Variants in PTH2R observed in about 807,000 individuals in gnomAD.
PTH2R encodes parathyroid hormone 2 receptor.
A neutral mutation model predicts 60.3 loss-of-function variants in PTH2R; 59 were observed. The observed-to-expected ratio is 0.98, with a 90% confidence interval of 0.79 to 1.22. The LOEUF is 1.22. Among genes scored for constraint, PTH2R ranks in the 50% most tolerant of loss-of-function variants. The pLI is 0.00. For missense variants in PTH2R, 749 were observed against 682.6 expected (o/e 1.10, Z -1.08); for synonymous variants, 256 against 243.8 (o/e 1.05, Z -0.47).
intron 1 of PTH2R, among the ~76,000 whole-genome samples, chr2:208,424,101 C>T (rs1306593836): frequency 6.6e-6 from 1 of 152,158 alleles, no homozygotes. Context: ...ACTAGGTCTT[C>T]TCTGACCCCC....
intron 1 of PTH2R, among the ~76,000 whole-genome samples, chr2:208,363,266 G>A (rs1700514568): frequency 6.6e-6 from 1 of 152,072 alleles, no homozygotes; most frequent in African/African-American, 2.4e-5. Context: ...ACTTATAAGT[G>A]AGAAAATGTG....
At chr2:208,428,164 C>A in intron 1 of PTH2R, 37 bp from the exon 2 acceptor site, 2 of 1,485,716 alleles carry the variant, frequency 1.3e-6, no homozygotes, top group Non-Finnish European at 9.3e-7. Context: ...CTTGAAAAAA[C>A]ATGATGAAAA....
chr2:208,363,243 A>G (rs938579899), intron 1 of PTH2R, among the ~76,000 whole-genome samples: 35 of 152,048 alleles, frequency 2.3e-4, no homozygotes, highest in Admixed American at 2.2e-3. Flanking sequence ...TGTGTAGTCA[A>G]TGTTTAGCTC....
At chr2:208,479,702 C>T (rs996346036) in intron 9 of PTH2R, among the ~76,000 whole-genome samples, 5 of 152,114 alleles carry the variant, frequency 3.3e-5, no homozygotes, top group African/African-American at 1.2e-4. Flanking sequence ...ATCTTTTTGT[C>T]CTCCTGAACA....
At chr2:208,366,405 T>A (rs1314726122) in intron 1 of PTH2R, among the ~76,000 whole-genome samples, 1 of 152,122 alleles carries the variant, frequency 6.6e-6, no homozygotes, top group Non-Finnish European at 1.5e-5. Flanking sequence ...GAATTAGGAA[T>A]TGAAACTATA....
chr2:208,428,353 A>C, intron 2 of PTH2R, 50 bp downstream of exon 2: 1 of 1,313,406 alleles, frequency 7.6e-7, no homozygotes, highest in Non-Finnish European at 1.1e-6. Flanking sequence ...ATCTGTTCTT[A>C]TAAAGATTGC....
intron 1 of PTH2R, among the ~76,000 whole-genome samples, chr2:208,373,986 A>G (rs1700748809): frequency 6.6e-6 from 1 of 152,082 alleles, no homozygotes; most frequent in Non-Finnish European, 1.5e-5. Flanking sequence ...TTGTCCCTAT[A>G]TCATTGAAAT....
At chr2:208,397,382 T>C (rs1220075968) in intron 1 of PTH2R, among the ~76,000 whole-genome samples, 1 of 152,090 alleles carries the variant, frequency 6.6e-6, no homozygotes, top group Non-Finnish European at 1.5e-5. Context: ...ACCACTCTGA[T>C]GAATGCTGTA....
At chr2:208,431,941 A>G (rs960848134) in intron 2 of PTH2R, among the ~76,000 whole-genome samples, 1 of 152,220 alleles carries the variant, frequency 6.6e-6, no homozygotes, top group Non-Finnish European at 1.5e-5. Flanking sequence ...AGGCTTTTAC[A>G]TTAATATAGC....
chr2:208,399,662 G>T (rs1162461441), intron 1 of PTH2R, among the ~76,000 whole-genome samples: 6 of 152,252 alleles, frequency 3.9e-5, no homozygotes, highest in East Asian at 1.9e-4. Context: ...CTGGAAGCTT[G>T]TTCCTGGTTC....
chr2:208,360,326 C>G (rs1323031325), intron 1 of PTH2R: 1 of 322,354 alleles, frequency 3.1e-6, no homozygotes, highest in African/African-American at 2.2e-5. Context: ...TTTCGCCACA[C>G]CCGGAGCGGC....
chr2:208,487,068 AT>A (rs2105910202), intron 10 of PTH2R, among the ~76,000 whole-genome samples: 1 of 152,306 alleles, frequency 6.6e-6, no homozygotes, highest in African/African-American at 2.4e-5. Context: ...TACATTAGGC[AT>A]TTCAATATGA....
chr2:208,474,153 C>G (rs1332876343), intron 9 of PTH2R, among the ~76,000 whole-genome samples: 1 of 152,106 alleles, frequency 6.6e-6, no homozygotes, highest in Non-Finnish European at 1.5e-5. Flanking sequence ...ATGAAGTTTT[C>G]TAAAAAGGAA....
Position 208,493,894 on chromosome 2 carries a change from G to A in PTH2R, c.*235G>A, listed in dbSNP as rs1448445172. On this transcript the variant is annotated 3_prime_UTR_variant, in exon 13 of 13. Transcript: ENST00000272847. ...GCATCAAGTTTTCCTCTAAATTAAT[G>A]TATGGTATTTGCTCTGTGATTGTTC... 2.6e-6 allele frequency: 1 copy of A among 385,564 alleles called. No individual in the cohort carries two copies. Among genetic ancestry groups the A allele is most frequent in the Non-Finnish European group, 4.6e-6 (1 of 218,214 alleles). The allele number at this position is 385,564 out of a possible 1,614,324, so 23.9% of individuals were successfully genotyped here.
chr2:208,434,316 C>T (rs1266473845), intron 2 of PTH2R, among the ~76,000 whole-genome samples: 1 of 151,868 alleles, frequency 6.6e-6, no homozygotes, highest in African/African-American at 2.4e-5. Context: ...AAAAAAATCT[C>T]TATTTTCTAT....
chr2:208,370,460 A>T (rs1221738552), intron 1 of PTH2R, among the ~76,000 whole-genome samples: 21 of 150,178 alleles, frequency 1.4e-4, no homozygotes, highest in Admixed American at 5.3e-4. Context: ...AAAAAAAAAA[A>T]AAAAAAAAAA....
rs2105865265 is a variant in PTH2R at position 208,437,541 on chromosome 2, T to C, written c.183T>C (p.Gly61=). The C allele has an allele frequency of 6.2e-7, 1 of 1,600,064 alleles. No individual in the cohort carries two copies. Residue 61 remains glycine, a synonymous_variant, in exon 3 of 13, where the codon GGT becomes GGC. Transcript: ENST00000272847. Reference sequence around the variant, plus strand: ...TTAATTTTTTTTTCTCATTAGAAGGTAATTGTTTCCCTGAATGGGATGGAC... The same window carrying C: ...TTAATTTTTTTTTCTCATTAGAAGGCAATTGTTTCCCTGAATGGGATGGAC... ...NITAQLQEGE[G]NCFPEWDGLI...
At chr2:208,405,603 G>A (rs1312146960), upstream of PTH2R, among the ~76,000 whole-genome samples, 6 of 152,068 alleles carry the variant, frequency 3.9e-5, no homozygotes, top group East Asian at 1.9e-4. Flanking sequence ...CAATGCTAAC[G>A]ATACTAGCTA....
chr2:208,376,514 T>A (rs924228620), intron 1 of PTH2R, among the ~76,000 whole-genome samples: 1 of 152,136 alleles, frequency 6.6e-6, no homozygotes, highest in East Asian at 1.9e-4. Context: ...AAATTTTATG[T>A]TACCACATGA....
Sources: allele counts gnomAD v4.1 joint callset (sites outside exome capture counted in the v4.1 genomes callset), GRCh38; gene constraint gnomAD v4.1.1; transcripts MANE v1.5; gene names NCBI Gene and HGNC (gene_info 2026-07-23, HGNC 2026-07-21).